RPL28: variants seen among roughly 807,000 people sequenced by gnomAD.
RPL28 encodes the protein large ribosomal subunit protein eL28.
In RPL28, 4 loss-of-function variants were observed where a neutral mutation model predicts 12.5. That is an observed-to-expected ratio of 0.32 (90% confidence interval 0.16 to 0.73). The LOEUF (loss-of-function observed/expected upper bound fraction) is 0.73, where lower values mean the gene tolerates loss of function less well. Ranked by LOEUF, RPL28 falls within the 30% of genes least tolerant of loss-of-function variation. The probability of loss-of-function intolerance (pLI) is 0.66; values close to 1 mark genes in which losing one functional copy is unlikely to be tolerated. For synonymous variants in RPL28, 91 were observed against 72.5 expected (o/e 1.26, Z -1.30); for missense variants, 214 against 197.7 (o/e 1.08, Z -0.49).
At chr19:55,395,498 C>A (rs375637586), downstream of RPL28, among the ~76,000 whole-genome samples, 1 of 147,576 alleles carries the variant, frequency 6.8e-6, no homozygotes, top group African/African-American at 2.5e-5. Context: ...GTCTGGAGTG[C>A]AGTGGCGCCA....
At position 55,390,592 on chromosome 19, in the gene RPL28, CCTG is replaced by C. The variant is rs1183238039; in HGVS notation, c.*2264_*2266del. The C allele has an allele frequency of 2.8e-5, 28 of 985,794 alleles. No individual in the cohort carries two copies. The East Asian group carries it at 3.4e-4, about 12-fold the overall frequency. 61.1% of individuals were successfully genotyped at this position (985,794 alleles called of 1,614,324 possible). On this transcript the variant is annotated 3_prime_UTR_variant, in exon 5 of 5. Transcript: ENST00000344063. ...CTCTAGGCCCCACCCCCTGTGGAGT[CCTG>C]CTGGCTTTCTCCATCCCTATCTGAA...
intron 1 of RPL28, 60 bp from the exon 2 acceptor site, chr19:55,386,290 G>A: frequency 6.6e-7 from 1 of 1,506,234 alleles, no homozygotes; most frequent in Non-Finnish European, 9.1e-7. Context: ...CGTGGCCCGT[G>A]GCCTAACGCT....
At chr19:55,387,712 A>G in intron 3 of RPL28, 2 of 1,411,574 alleles carry the variant, frequency 1.4e-6, no homozygotes, top group Non-Finnish European at 1.8e-6. Context: ...GAATTGGGCT[A>G]TGAGTGTGGC....
chr19:55,386,936 TG>T, intron 3 of RPL28: 1 of 1,472,226 alleles, frequency 6.8e-7, no homozygotes, highest in Non-Finnish European at 9.0e-7. Context: ...ACTTCCTCGG[TG>T]GTTGTTGAGA....
At position 55,389,845 on chromosome 19, in the gene RPL28, C is replaced by G. The variant is rs1282827046; in HGVS notation, c.*1513C>G. On this transcript the variant is annotated 3_prime_UTR_variant, in exon 5 of 5. Coordinates refer to ENST00000344063, the MANE Select transcript of RPL28 (RefSeq NM_000991.5). ...CCGCACTGTCCCAATCCCACTCAGGCCCACCTCCAGCTGGCCTCACTCCGC... is the reference window on the plus strand; with the variant it reads ...CCGCACTGTCCCAATCCCACTCAGGGCCACCTCCAGCTGGCCTCACTCCGC... 2 of 984,180 alleles carry G rather than the reference C, an allele frequency of 2.0e-6. No individual in the cohort carries two copies. Among genetic ancestry groups the G allele is most frequent in the African/African-American group, 3.5e-5 (2 of 57,128 alleles). 61.0% of individuals were successfully genotyped at this position (984,180 alleles called of 1,614,324 possible).
chr19:55,395,689 C>T (rs1406789381), downstream of RPL28, among the ~76,000 whole-genome samples: 6 of 151,276 alleles, frequency 4.0e-5, no homozygotes, highest in African/African-American at 9.7e-5. Context: ...GTGATCTGCC[C>T]ACCTTGGCCT....
chr19:55,388,870 T>G lies in RPL28; in HGVS notation c.*538T>G. On this transcript the variant is annotated 3_prime_UTR_variant, in exon 5 of 5. Coordinates refer to ENST00000344063, the MANE Select transcript of RPL28 (RefSeq NM_000991.5). The stretch of plus-strand genomic sequence containing the variant: ...ACTTGATGCAACCTCATCTCTGAGA[T>G]GGGCAACTTGGTGGGTGGTGGCTTA... 1.0e-6 allele frequency: 1 copy of G among 985,992 alleles called. No individual in the cohort carries two copies. Among genetic ancestry groups the G allele is most frequent in the Non-Finnish European group, 1.2e-6 (1 of 830,344 alleles). The allele number at this position is 985,992 out of a possible 1,614,324, so 61.1% of individuals were successfully genotyped here. A position where few individuals can be genotyped will look rare whatever the true frequency, so the allele number is the denominator to read the frequency against.
chr19:55,395,462 G>C (rs374235062), downstream of RPL28, among the ~76,000 whole-genome samples: 609 of 127,792 alleles, frequency 4.8e-3, 7 homozygotes, highest in Middle Eastern at 0.039. Flanking sequence ...TTTTTTTTGA[G>C]ACAGAGTCTC....
Position 55,386,374 on chromosome 19 carries a change from A to G in RPL28, c.17A>G (p.Gln6Arg). 3 of 1,614,058 alleles carry G rather than the reference A, an allele frequency of 1.9e-6. No homozygotes were observed. The highest frequency in any genetic ancestry group is 2.5e-6 in the Non-Finnish European group (3 of 1,180,000). MSAHL[Q>R]WMVVRNCSSF... is the part of the protein sequence containing the mutation. ...GCCGCCGCCATGTCTGCGCATCTGC[A>G]ATGGATGGTCGTGCGGAACTGCTCC... is the stretch of plus-strand genomic sequence containing the variant. The change falls in exon 2 of 5, where the codon CAA (glutamine) becomes CGA (arginine). Residue 6 changes from glutamine to arginine, a missense_variant. Gln to Arg is a conservative substitution (Grantham distance 43). Coordinates refer to ENST00000344063, the MANE Select transcript of RPL28 (RefSeq NM_000991.5).
Position 55,388,395 on chromosome 19 carries a change from T to G in RPL28, c.*63T>G, listed in dbSNP as rs2089957465. On this transcript the variant is annotated 3_prime_UTR_variant, in exon 5 of 5. Coordinates refer to ENST00000344063, the MANE Select transcript of RPL28 (RefSeq NM_000991.5). ...CTCACCTGCCTCGACTGGGCCTCCC[T>G]TTTTGAAACGCTCTGGGGAGCTCTG... 1 of 1,427,674 alleles carries G rather than the reference T, an allele frequency of 7.0e-7. No homozygotes were observed. The highest frequency in any genetic ancestry group is 1.5e-5 in the South Asian group (1 of 64,748). The allele number at this position is 1,427,674 out of a possible 1,614,324, so 88.4% of individuals were successfully genotyped here. A position where few individuals can be genotyped will look rare whatever the true frequency, so the allele number is the denominator to read the frequency against.
chr19:55,401,616 G>A (rs2123307506), intron 4 of RPL28: 2 of 1,606,298 alleles, frequency 1.2e-6, no homozygotes, highest in Non-Finnish European at 1.7e-6. Flanking sequence ...CTTCGGCCCT[G>A]CCGCTGGGCC....
chr19:55,386,472 A>G (rs1363748885), intron 2 of RPL28, 34 bp downstream of exon 2: 21 of 1,611,548 alleles, frequency 1.3e-5, no homozygotes, highest in Non-Finnish European at 1.8e-5. Flanking sequence ...CTCCTGCGGG[A>G]GGAGGGTCCT....
rs55776192 is a variant in RPL28 at position 55,388,504 on chromosome 19, A to G, written c.*172A>G. The G allele has an allele frequency of 0.16, 210,545 of 1,308,290 alleles. 17,993 individuals are homozygous for G. The highest frequency in any genetic ancestry group is 0.24 in the African/African-American group (15,495 of 65,462). The allele number at this position is 1,308,290 out of a possible 1,614,324, so 81.0% of individuals were successfully genotyped here. ...CTGGAGGTGATGTCAATGGCTGGCC[A>G]TGCAGGAGGGGTGGGGTAGCTGCCT... On this transcript the variant is annotated 3_prime_UTR_variant, in exon 5 of 5. Transcript: ENST00000344063.
chr19:55,390,125 T>A lies in RPL28; in HGVS notation c.*1793T>A, dbSNP rs2089976577. The A allele has an allele frequency of 4.2e-5, 41 of 985,500 alleles. No individual in the cohort carries two copies. The highest frequency in any genetic ancestry group is 4.9e-5 in the Non-Finnish European group (41 of 829,972). The allele number at this position is 985,500 out of a possible 1,614,324, so 61.0% of individuals were successfully genotyped here. A position where few individuals can be genotyped will look rare whatever the true frequency, so the allele number is the denominator to read the frequency against. ...TGTGCTGGTGGGCAAGGGGTTTGTCTAGCACACCAGCATATAATGAGATGC... is the reference window on the plus strand; with the variant it reads ...TGTGCTGGTGGGCAAGGGGTTTGTCAAGCACACCAGCATATAATGAGATGC... On this transcript the variant is annotated 3_prime_UTR_variant, in exon 5 of 5. Transcript: ENST00000344063.
chr19:55,398,275 G>A (rs1177941347), intron 4 of RPL28, among the ~76,000 whole-genome samples: 1 of 152,196 alleles, frequency 6.6e-6, no homozygotes, highest in Non-Finnish European at 1.5e-5. Flanking sequence ...GAGTTACCCC[G>A]GCATGGATGG....
chr19:55,401,836 C>A, intron 4 of RPL28: 2 of 1,516,998 alleles, frequency 1.3e-6, no homozygotes, highest in South Asian at 1.1e-5. Context: ...AAGAGGGTGG[C>A]CTCCGCACTG....
chr19:55,401,495 C>T lies in RPL28; in HGVS notation c.325-1448C>T, dbSNP rs767659246. 47 of 1,609,418 alleles carry T rather than the reference C, an allele frequency of 2.9e-5. No individual in the cohort carries two copies. Among genetic ancestry groups the T allele is most frequent in the South Asian group, 1.4e-4 (13 of 90,972 alleles). Reference sequence around the variant, plus strand: ...TTTTTCTTGGCCGCCAGCTTCTTATCGCGCTCGCCAGCATGCTTCTTGGCC... The same window carrying T: ...TTTTTCTTGGCCGCCAGCTTCTTATTGCGCTCGCCAGCATGCTTCTTGGCC... On this transcript the variant is annotated intron_variant, in intron 4 of 4. Transcript: ENST00000560055.
At chr19:55,393,116 G>A (rs2090001508), downstream of RPL28, among the ~76,000 whole-genome samples, 1 of 150,016 alleles carries the variant, frequency 6.7e-6, no homozygotes, top group African/African-American at 2.4e-5. Context: ...ACCTCCAGCG[G>A]CCCCAGCTCC....
intron 3 of RPL28, chr19:55,387,300 G>T: frequency 6.4e-7 from 1 of 1,551,678 alleles, no homozygotes; most frequent in Non-Finnish European, 8.7e-7. Flanking sequence ...GTTTTTCTCA[G>T]GTCCTTGATT....
Sources: allele counts gnomAD v4.1 joint callset (sites outside exome capture counted in the v4.1 genomes callset), GRCh38; gene constraint gnomAD v4.1.1; transcripts MANE v1.5; gene names NCBI Gene and HGNC (gene_info 2026-07-23, HGNC 2026-07-21).